The following HSD17B12 variants were observed in gnomAD, a reference collection of about 807,000 sequenced individuals.
The protein encoded by HSD17B12 is very-long-chain 3-oxoacyl-CoA reductase.
A neutral mutation model predicts 39.3 loss-of-function variants in HSD17B12; 32 were observed. That is an observed-to-expected ratio of 0.81 (90% CI 0.61 to 1.09). HSD17B12 has a LOEUF of 1.09. Ranked by LOEUF, HSD17B12 falls within the 50% of genes least tolerant of loss-of-function variation. The pLI is 0.00. For synonymous variants in HSD17B12, 150 were observed against 146.7 expected (o/e 1.02, Z -0.16); for missense variants, 342 against 382.9 (o/e 0.89, Z 0.89).
the HSD17B12 span, among the ~76,000 whole-genome samples, chr11:43,565,507 A>G: frequency 2.4e-4 from 36 of 152,212 alleles, no homozygotes; most frequent in African/African-American, 7.0e-4. Context: ...AGAGCCTAGC[A>G]TAGTTACAAT....
intron 1 of HSD17B12, among the ~76,000 whole-genome samples, chr11:43,726,851 A>G (rs1950226170): frequency 6.6e-6 from 1 of 152,224 alleles, no homozygotes; most frequent in Non-Finnish European, 1.5e-5. Context: ...GTCCACTGTT[A>G]AAACCTGATG....
chr11:43,572,207 A>G, the HSD17B12 span, among the ~76,000 whole-genome samples: 1 of 152,156 alleles, frequency 6.6e-6, no homozygotes, highest in Non-Finnish European at 1.5e-5. Flanking sequence ...CTCCACCACA[A>G]ACTGGTTGGT....
At chr11:43,610,586 T>C in the HSD17B12 span, among the ~76,000 whole-genome samples, 3 of 152,190 alleles carry the variant, frequency 2.0e-5, no homozygotes, top group African/African-American at 7.2e-5. Context: ...AAAATGGAGA[T>C]AATAATGCCT....
chr11:43,824,604 G>A (rs1035758086), intron 6 of HSD17B12, among the ~76,000 whole-genome samples: 2 of 152,236 alleles, frequency 1.3e-5, no homozygotes, highest in African/African-American at 4.8e-5. Context: ...CCAATACCAC[G>A]TGTGAGGGTG....
At chr11:43,631,154 C>T in the HSD17B12 span, among the ~76,000 whole-genome samples, 12 of 152,124 alleles carry the variant, frequency 7.9e-5, no homozygotes, top group Admixed American at 3.3e-4. Flanking sequence ...AAAGTCAGGG[C>T]TGTTGGTTTC....
intron 6 of HSD17B12, among the ~76,000 whole-genome samples, chr11:43,818,649 C>T (rs1951152807): frequency 6.6e-6 from 1 of 152,022 alleles, no homozygotes; most frequent in Non-Finnish European, 1.5e-5. Context: ...TGTTATTAGC[C>T]AAGTTTTTTT....
intron 1 of HSD17B12, among the ~76,000 whole-genome samples, chr11:43,741,840 C>T (rs1443069446): frequency 6.7e-6 from 1 of 149,258 alleles, no homozygotes; most frequent in African/African-American, 2.5e-5. Context: ...TTCACTCCAT[C>T]CTCCTGCCTC....
Position 43,855,898 on chromosome 11 carries a change from A to ATTTTTTATTTCATTTTTTTTTTTTTTGAG in HSD17B12, c.*650_*651insTTTTTTATTTCATTTTTTTTTTTTTTGAG, listed in dbSNP as rs1590354397. On this transcript the variant is annotated 3_prime_UTR_variant, in exon 11 of 11. Coordinates refer to ENST00000278353, the MANE Select transcript of HSD17B12 (RefSeq NM_016142.3). ...TATAATGCATATTTCTTCTCAGTTT[A>ATTTTTTATTTCATTTTTTTTTTTTTTGAG]AATGTATGTAAATATCGAAGCTATA... 1 of 144,746 alleles carries ATTTTTTATTTCATTTTTTTTTTTTTTGAG rather than the reference A, an allele frequency of 6.9e-6. No homozygotes were observed. The highest frequency in any genetic ancestry group is 2.6e-5 in the African/African-American group (1 of 38,150). The allele number at this position is 144,746 out of a possible 1,614,324, so 9.0% of individuals were successfully genotyped here. A position where few individuals can be genotyped will look rare whatever the true frequency, so the allele number is the denominator to read the frequency against.
chr11:43,627,155 TGAC>T, the HSD17B12 span, among the ~76,000 whole-genome samples: 3 of 151,990 alleles, frequency 2.0e-5, no homozygotes, highest in Non-Finnish European at 4.4e-5. Context: ...TATACAAGTA[TGAC>T]GACATTAAGA....
intron 4 of HSD17B12, among the ~76,000 whole-genome samples, chr11:43,801,846 G>T (rs1950972517): frequency 6.6e-6 from 1 of 152,018 alleles, no homozygotes; most frequent in African/African-American, 2.4e-5. Flanking sequence ...GCCTGGAATA[G>T]ATAGCATGAA....
the HSD17B12 span, among the ~76,000 whole-genome samples, chr11:43,665,443 T>G: frequency 2.0e-5 from 3 of 152,132 alleles, no homozygotes; most frequent in African/African-American, 7.2e-5. Flanking sequence ...GATCTCGAAC[T>G]CCTGACCTCA....
chr11:43,812,941 A>C (rs551595418), intron 4 of HSD17B12, among the ~76,000 whole-genome samples: 19 of 152,242 alleles, frequency 1.2e-4, no homozygotes, highest in African/African-American at 4.6e-4. Flanking sequence ...TCCTGGGTTC[A>C]AGCAATTCTC....
the HSD17B12 span, among the ~76,000 whole-genome samples, chr11:43,566,438 A>G: frequency 6.6e-6 from 1 of 152,364 alleles, no homozygotes; most frequent in East Asian, 1.9e-4. Flanking sequence ...AATCAAAATC[A>G]GGCAGTGAGC....
At chr11:43,578,875 A>G in the HSD17B12 span, 1 of 152,054 alleles carries the variant, frequency 6.6e-6, no homozygotes, top group Non-Finnish European at 1.5e-5. Context: ...ACAATGCACA[A>G]GTTTACCCCC....
chr11:43,742,139 A>ATTTTTT (rs34321708), intron 1 of HSD17B12, among the ~76,000 whole-genome samples: 7 of 123,508 alleles, frequency 5.7e-5, no homozygotes, highest in Admixed American at 2.6e-4. Flanking sequence ...ATATATATAT[A>ATTTTTT]TTTTTTTTTT....
At chr11:43,734,577 C>A in intron 1 of HSD17B12, 1 of 464,064 alleles carries the variant, frequency 2.2e-6, no homozygotes, top group Admixed American at 3.6e-5. Context: ...AGGGCCCACC[C>A]TGCCTGCATC....
intron 1 of HSD17B12, among the ~76,000 whole-genome samples, chr11:43,688,151 G>T (rs1949819172): frequency 6.6e-6 from 1 of 152,048 alleles, no homozygotes; most frequent in Non-Finnish European, 1.5e-5. Flanking sequence ...GGCGGAGGTT[G>T]CAGTGAGCCG....
intron 3 of HSD17B12, among the ~76,000 whole-genome samples, chr11:43,760,473 T>C (rs1950546774): frequency 6.6e-6 from 1 of 152,212 alleles, no homozygotes. Flanking sequence ...TATCTCAGGG[T>C]GTAAAGCTTT....
At chr11:43,829,763 C>G (rs1349510828) in intron 6 of HSD17B12, 1 of 152,074 alleles carries the variant, frequency 6.6e-6, no homozygotes, top group African/African-American at 2.4e-5. Flanking sequence ...TTCTGGTGAT[C>G]TCAGAACTTT....
Sources: allele counts gnomAD v4.1 joint callset (sites outside exome capture counted in the v4.1 genomes callset), GRCh38; gene constraint gnomAD v4.1.1; transcripts MANE v1.5; gene names NCBI Gene and HGNC (gene_info 2026-07-23, HGNC 2026-07-21).